Variants in CHRNA7 observed in about 807,000 individuals in gnomAD.
The protein encoded by CHRNA7 is neuronal acetylcholine receptor subunit alpha-7.
In CHRNA7, 17 loss-of-function variants were observed where a neutral mutation model predicts 48.0. The ratio of observed to expected loss-of-function variants is 0.35; its 90% CI spans 0.24 to 0.53. The LOEUF (loss-of-function observed/expected upper bound fraction) is 0.53. CHRNA7 is among the 20% of genes least tolerant of loss of function. The pLI, the probability that CHRNA7 is intolerant of heterozygous loss-of-function variation, is 0.92. For synonymous variants in CHRNA7, 75 were observed against 242.3 expected (o/e 0.31, Z 6.41); for missense variants, 155 against 577.7 (o/e 0.27, Z 7.50).
chr15:32,083,313 C>G (rs1382279328), intron 2 of CHRNA7, among the ~76,000 whole-genome samples: 1 of 152,156 alleles, frequency 6.6e-6, no homozygotes, highest in Non-Finnish European at 1.5e-5. Flanking sequence ...CGAGTACTCT[C>G]TAGCCCTTCT....
intron 3 of CHRNA7, among the ~76,000 whole-genome samples, chr15:32,109,954 A>C (rs2050735669): frequency 6.6e-6 from 1 of 152,276 alleles, no homozygotes; most frequent in East Asian, 1.9e-4. Context: ...TCCCATTCCC[A>C]GTTCCTGTCT....
chr15:32,122,874 T>C (rs1267664931), intron 4 of CHRNA7, among the ~76,000 whole-genome samples: 1 of 120,390 alleles, frequency 8.3e-6, no homozygotes, highest in East Asian at 2.1e-4. Flanking sequence ...AAAACCCTTA[T>C]AAGCTCTCAA....
chr15:32,132,221 G>A (rs1172040979), intron 4 of CHRNA7, among the ~76,000 whole-genome samples: 3 of 152,130 alleles, frequency 2.0e-5, no homozygotes, highest in South Asian at 2.1e-4. Context: ...ACCATTTGGC[G>A]AGAGAGGGCA....
intron 2 of CHRNA7, chr15:32,099,372 G>A (rs2050531549): frequency 6.6e-6 from 1 of 152,188 alleles, no homozygotes; most frequent in Non-Finnish European, 1.5e-5. Flanking sequence ...TTTGTGGGGG[G>A]TTCCCCTAAC....
intron 5 of CHRNA7, among the ~76,000 whole-genome samples, chr15:32,154,839 AC>A (rs1217449445): frequency 8.6e-6 from 1 of 116,154 alleles, no homozygotes; most frequent in Admixed American, 1.0e-4. Context: ...ACTCACACAT[AC>A]CACACACCAC....
chr15:32,039,489 A>G (rs192278998), intron 2 of CHRNA7, among the ~76,000 whole-genome samples: 26 of 152,240 alleles, frequency 1.7e-4, no homozygotes, highest in African/African-American at 5.5e-4. Context: ...AAATATTTCA[A>G]TGTCTCTTGA....
At chr15:32,095,341 G>A (rs1236559277) in intron 2 of CHRNA7, among the ~76,000 whole-genome samples, 1 of 152,182 alleles carries the variant, frequency 6.6e-6, no homozygotes, top group Non-Finnish European at 1.5e-5. Context: ...GATCCTCTAA[G>A]TTTTGTTTAT....
At chr15:32,117,303 T>C (rs2050889893) in intron 4 of CHRNA7, among the ~76,000 whole-genome samples, 1 of 152,208 alleles carries the variant, frequency 6.6e-6, no homozygotes. Flanking sequence ...CCTTCCATCA[T>C]AGGCTGAGAG....
intron 4 of CHRNA7, among the ~76,000 whole-genome samples, chr15:32,143,748 T>C (rs549552873): frequency 6.6e-6 from 1 of 152,334 alleles, no homozygotes; most frequent in African/African-American, 2.4e-5. Context: ...ACCCCTGCTT[T>C]TTTTTTGCAT....
intron 4 of CHRNA7, among the ~76,000 whole-genome samples, chr15:32,147,233 A>AC (rs2051508234): frequency 6.6e-6 from 1 of 152,220 alleles, no homozygotes; most frequent in African/African-American, 2.4e-5. Flanking sequence ...AACAACAGAC[A>AC]CTGGAGACTA....
At chr15:32,110,706 G>C (rs568047434) in intron 3 of CHRNA7, among the ~76,000 whole-genome samples, 48 of 152,206 alleles carry the variant, frequency 3.2e-4, no homozygotes, top group African/African-American at 1.2e-3. Flanking sequence ...TGTTGTTTTC[G>C]TAACTTTGCG....
intron 4 of CHRNA7, among the ~76,000 whole-genome samples, chr15:32,136,667 C>A (rs1327717900): frequency 2.0e-5 from 3 of 152,014 alleles, no homozygotes; most frequent in African/African-American, 7.3e-5. Context: ...AGAATAACCA[C>A]CAGACCAGAC....
chr15:32,068,688 A>T (rs138182778), intron 2 of CHRNA7, among the ~76,000 whole-genome samples: 1 of 151,798 alleles, frequency 6.6e-6, no homozygotes. Context: ...GCACCACTGC[A>T]CTCCAGCCTG....
intron 4 of CHRNA7, among the ~76,000 whole-genome samples, chr15:32,128,454 A>G (rs2141312346): frequency 6.6e-6 from 1 of 151,904 alleles, no homozygotes. Flanking sequence ...TGATTTTTCC[A>G]TCAGTATTTT....
chr15:32,056,439 T>C (rs1284586638), intron 2 of CHRNA7, among the ~76,000 whole-genome samples: 2 of 152,148 alleles, frequency 1.3e-5, no homozygotes, highest in East Asian at 3.8e-4. Flanking sequence ...TGTGAAAGGG[T>C]TGTTAGTGGA....
intron 4 of CHRNA7, among the ~76,000 whole-genome samples, chr15:32,118,762 G>C (rs113927723): frequency 0.013 from 2,028 of 152,228 alleles, 22 homozygotes; most frequent in Non-Finnish European, 0.019. Flanking sequence ...AAACAGAGAT[G>C]GGGAAGAGAG....
intron 2 of CHRNA7, among the ~76,000 whole-genome samples, chr15:32,091,826 G>T (rs1056802850): frequency 2.7e-5 from 4 of 147,322 alleles, no homozygotes; most frequent in African/African-American, 9.7e-5. Flanking sequence ...CTTGGATTTT[G>T]TTGTTGTTGT....
In CHRNA7 at chr15:32,095,971, G is replaced by C. The variant is rs1045023243; in HGVS notation, c.196-5332G>C. Among the ~76,000 whole-genome samples, 11 of 152,280 alleles carry C rather than the reference G, an allele frequency of 7.2e-5. No individual in the cohort carries two copies. The South Asian group carries it at 2.3e-3, about 32-fold the overall frequency. ...TCTGTACTTAGCTGTGTGACCTAGG[G>C]CCAGGAGCTTGTTTGTTTCATAATT... is the stretch of plus-strand genomic sequence containing the variant. On this transcript the variant is annotated intron_variant, in intron 2 of 9. Coordinates refer to ENST00000306901, the MANE Select transcript of CHRNA7 (RefSeq NM_000746.6).
chr15:32,124,036 T>C (rs968242411), intron 4 of CHRNA7, among the ~76,000 whole-genome samples: 2 of 131,266 alleles, frequency 1.5e-5, no homozygotes, highest in African/African-American at 5.8e-5. Flanking sequence ...GTTAAAACAA[T>C]CACTAATCAC....
Sources: allele counts gnomAD v4.1 joint callset (sites outside exome capture counted in the v4.1 genomes callset), GRCh38; gene constraint gnomAD v4.1.1; transcripts MANE v1.5; gene names NCBI Gene and HGNC (gene_info 2026-07-23, HGNC 2026-07-21).